DENND1B: variants seen among roughly 807,000 people sequenced by gnomAD.
DENND1B encodes DENN domain-containing protein 1B.
DENND1B carries 59 observed loss-of-function variants against 90.1 expected under a neutral mutation model. The ratio of observed to expected loss-of-function variants is 0.65; its 90% CI spans 0.53 to 0.81. The LOEUF (loss-of-function observed/expected upper bound fraction) is 0.81. DENND1B is among the 40% of genes least tolerant of loss of function. DENND1B has a pLI of 0.00. For synonymous variants in DENND1B, 337 were observed against 324.6 expected (o/e 1.04, Z -0.41); for missense variants, 862 against 912.6 (o/e 0.94, Z 0.71).
chr1:197,703,176 C>T (rs1261780524), intron 3 of DENND1B, among the ~76,000 whole-genome samples: 1 of 151,838 alleles, frequency 6.6e-6, no homozygotes, highest in African/African-American at 2.4e-5. Context: ...TTAGTAGAGA[C>T]AGGGTTTCAC....
At chr1:197,667,586 C>G (rs903900111) in intron 5 of DENND1B, among the ~76,000 whole-genome samples, 1 of 152,040 alleles carries the variant, frequency 6.6e-6, no homozygotes, top group African/African-American at 2.4e-5. Context: ...TGCGCCACCA[C>G]GCCCAGCTAA....
At chr1:197,755,544 A>C (rs1654173109) in intron 2 of DENND1B, among the ~76,000 whole-genome samples, 2 of 152,208 alleles carry the variant, frequency 1.3e-5, no homozygotes, top group South Asian at 4.1e-4. Flanking sequence ...ATATGCAGAC[A>C]ATAAGGAAAT....
upstream of DENND1B, among the ~76,000 whole-genome samples, chr1:197,779,243 T>A (rs1324924951): frequency 6.6e-6 from 1 of 152,186 alleles, no homozygotes; most frequent in Admixed American, 6.5e-5. Flanking sequence ...GTTATCAATA[T>A]CATTACACTG....
chr1:197,772,014 G>A (rs1320853977), intron 2 of DENND1B, among the ~76,000 whole-genome samples: 1 of 152,088 alleles, frequency 6.6e-6, no homozygotes, highest in African/African-American at 2.4e-5. Flanking sequence ...AAATTGTACG[G>A]AACTGACAGC....
chr1:197,518,873 T>TG (rs1571711734), intron 20 of DENND1B, among the ~76,000 whole-genome samples: 1 of 151,948 alleles, frequency 6.6e-6, no homozygotes, highest in East Asian at 1.9e-4. Flanking sequence ...GACTTTGAAA[T>TG]GGGCAAAAAA....
chr1:197,591,966 G>A (rs1339480566), intron 14 of DENND1B, among the ~76,000 whole-genome samples: 6 of 151,748 alleles, frequency 4.0e-5, no homozygotes, highest in East Asian at 1.9e-4. Context: ...AAAATTAGGC[G>A]GGCATGGTGG....
chr1:197,551,881 T>G (rs980261344), intron 16 of DENND1B, among the ~76,000 whole-genome samples: 1 of 152,134 alleles, frequency 6.6e-6, no homozygotes, highest in African/African-American at 2.4e-5. Flanking sequence ...AGGAGCTGAA[T>G]GATTCCACAT....
chr1:197,675,451 T>C (rs2488409), intron 3 of DENND1B, among the ~76,000 whole-genome samples: 121,250 of 151,802 alleles, frequency 0.8, 48,552 homozygotes, highest in Middle Eastern at 0.87. Context: ...AAAAAAAAAA[T>C]CATCTACTCT....
At chr1:197,544,993 A>AAGAAGGG (rs1553281522) in intron 18 of DENND1B, among the ~76,000 whole-genome samples, 2 of 30,558 alleles carry the variant, frequency 6.5e-5, no homozygotes, top group Non-Finnish European at 1.4e-4. Flanking sequence ...GGGAAGAAGG[A>AAGAAGGG]AGAAGGAAGA....
At chr1:197,758,263 T>C (rs970781982) in intron 2 of DENND1B, among the ~76,000 whole-genome samples, 2 of 152,228 alleles carry the variant, frequency 1.3e-5, no homozygotes, top group Non-Finnish European at 2.9e-5. Flanking sequence ...ATCCTCCTTG[T>C]TCCTGACACT....
Position 197,561,928 on chromosome 1 carries a change from T to C in DENND1B, c.1150-8816A>G, listed in dbSNP as rs1459791649. Among the ~76,000 whole-genome samples, 5 of 151,976 alleles carry C rather than the reference T, an allele frequency of 3.3e-5. No individual in the cohort carries two copies. In the East Asian group the frequency reaches 9.7e-4, roughly 29 times the overall value. On this transcript the variant is annotated intron_variant, in intron 15 of 22. Transcript: ENST00000620048. ...CAACAGTTCCACACTGCCATCAATT[T>C]CTCACCTAGATGACAGCAATAGTTT...
At chr1:197,780,451 G>A (rs1474444710), upstream of DENND1B, among the ~76,000 whole-genome samples, 5 of 150,556 alleles carry the variant, frequency 3.3e-5, no homozygotes, top group African/African-American at 9.8e-5. Flanking sequence ...TCAGCCTCCC[G>A]AGTAGCTGGA....
intron 15 of DENND1B, among the ~76,000 whole-genome samples, chr1:197,571,990 A>G (rs977884311): frequency 2.0e-5 from 3 of 152,152 alleles, no homozygotes; most frequent in Non-Finnish European, 4.4e-5. Context: ...TGCAGCTCCC[A>G]GTGTGATCGA....
chr1:197,666,721 A>G (rs1654970766), intron 5 of DENND1B, among the ~76,000 whole-genome samples: 2 of 152,218 alleles, frequency 1.3e-5, no homozygotes, highest in Non-Finnish European at 2.9e-5. Context: ...TGGAAGCAGC[A>G]CAGTCTGTTA....
chr1:197,606,292 T>A (rs143420831), intron 13 of DENND1B: 2 of 150,884 alleles, frequency 1.3e-5, no homozygotes, highest in Non-Finnish European at 3.0e-5. Flanking sequence ...CTCCGCAAGA[T>A]CAAAGACCAG....
chr1:197,530,754 T>C (rs953173932), intron 20 of DENND1B, among the ~76,000 whole-genome samples: 2 of 152,236 alleles, frequency 1.3e-5, no homozygotes, highest in Admixed American at 1.3e-4. Context: ...GTACTTATTA[T>C]GTGGCAGATA....
intron 20 of DENND1B, 43 bp from the exon 21 acceptor site, chr1:197,512,996 A>T (rs989798782): frequency 5.2e-6 from 8 of 1,533,728 alleles, no homozygotes; most frequent in Non-Finnish European, 6.2e-6. Context: ...AGCAGTTTAA[A>T]ATAAGTCTCT....
intron 3 of DENND1B, among the ~76,000 whole-genome samples, chr1:197,678,810 A>T (rs1656352676): frequency 6.6e-6 from 1 of 152,092 alleles, no homozygotes; most frequent in South Asian, 2.1e-4. Flanking sequence ...TCCTGTGTTA[A>T]GTTTTCTGAG....
chr1:197,756,571 A>G (rs1654317837), intron 2 of DENND1B, among the ~76,000 whole-genome samples: 1 of 86,696 alleles, frequency 1.2e-5, no homozygotes, highest in Non-Finnish European at 2.1e-5. Context: ...GCAAGTCTCC[A>G]TCTCAAAAAA....
Sources: gnomAD v4.1 joint callset for allele counts (sites outside exome capture counted in the v4.1 genomes callset) on GRCh38, gnomAD v4.1.1 for gene constraint, MANE v1.5 for transcripts, NCBI Gene and HGNC (gene_info 2026-07-23, HGNC 2026-07-21) for gene names.